The following CSMD1 variants were observed in gnomAD, a reference collection of about 807,000 sequenced individuals.
The protein encoded by CSMD1 is CUB and sushi domain-containing protein 1.
A neutral mutation model predicts 417.5 loss-of-function variants in CSMD1; 213 were observed. The ratio of observed to expected loss-of-function variants is 0.51; its 90% CI spans 0.46 to 0.57. The LOEUF is 0.57. CSMD1 is among the 20% of genes least tolerant of loss of function. CSMD1 has a pLI of 0.00. For missense variants in CSMD1, 6,923 were observed against 4,529.7 expected (o/e 1.53, Z -15.17); for synonymous variants, 2,862 against 1,736.8 (o/e 1.65, Z -16.11).
chr8:3,469,804 T>C lies in CSMD1; in HGVS notation c.1449-980A>G, dbSNP rs184230870. Among the ~76,000 whole-genome samples the C allele has an allele frequency of 1.3e-3, 195 of 152,298 alleles. 5 individuals carry two copies. The highest frequency in any genetic ancestry group is 0.012 in the Admixed American group (191 of 15,286). ...AGAACAACTGTCATTATATGTGAAG[T>C]AACTCATGCAATGTTACACACAAAT... On this transcript the variant is annotated intron_variant, in intron 11 of 69. Transcript: ENST00000635120.
chr8:3,652,849 G>A (rs1056386423), intron 7 of CSMD1, among the ~76,000 whole-genome samples: 1 of 152,158 alleles, frequency 6.6e-6, no homozygotes, highest in African/African-American at 2.4e-5. Flanking sequence ...CGTATTGGCA[G>A]AACCTAGAAC....
chr8:3,056,888 T>C (rs1427610849), intron 49 of CSMD1, among the ~76,000 whole-genome samples: 1 of 152,056 alleles, frequency 6.6e-6, no homozygotes, highest in Non-Finnish European at 1.5e-5. Flanking sequence ...CTAATCAAAA[T>C]TGTAATATAA....
chr8:4,042,766 G>C (rs1797955414), intron 3 of CSMD1, among the ~76,000 whole-genome samples: 1 of 138,500 alleles, frequency 7.2e-6, no homozygotes, highest in Non-Finnish European at 1.5e-5. Flanking sequence ...AGAAAGGAGA[G>C]CACATTGCTG....
chr8:3,909,633 C>T (rs1476002979), intron 5 of CSMD1, among the ~76,000 whole-genome samples: 2 of 152,082 alleles, frequency 1.3e-5, no homozygotes, highest in African/African-American at 4.8e-5. Context: ...CTTGTTTGTG[C>T]TGCAGGAATG....
chr8:4,428,907 G>A (rs189399944), intron 2 of CSMD1, among the ~76,000 whole-genome samples: 57 of 152,026 alleles, frequency 3.7e-4, no homozygotes, highest in African/African-American at 1.3e-3. Context: ...CAGAGACAGG[G>A]TTTCACCATT....
intron 8 of CSMD1, among the ~76,000 whole-genome samples, chr8:3,597,813 A>G (rs1489699420): frequency 6.6e-6 from 1 of 152,086 alleles, no homozygotes; most frequent in Non-Finnish European, 1.5e-5. Context: ...AGGGAGGGGA[A>G]CATCACACAC....
chr8:3,442,744 C>T (rs1163992890), intron 12 of CSMD1, among the ~76,000 whole-genome samples: 3 of 152,156 alleles, frequency 2.0e-5, no homozygotes, highest in African/African-American at 4.8e-5. Flanking sequence ...TATACACACA[C>T]ATACACACGT....
chr8:3,333,911 A>G (rs560835883), intron 23 of CSMD1, among the ~76,000 whole-genome samples: 1 of 152,356 alleles, frequency 6.6e-6, no homozygotes, highest in African/African-American at 2.4e-5. Flanking sequence ...GAGTGTCTTT[A>G]TTATTGACAA....
At chr8:4,887,717 G>C (rs555847297) in intron 1 of CSMD1, among the ~76,000 whole-genome samples, 1 of 151,724 alleles carries the variant, frequency 6.6e-6, no homozygotes, top group Non-Finnish European at 1.5e-5. Flanking sequence ...GTTGGTAGGT[G>C]CATATATATT....
chr8:4,235,989 G>C (rs1007867037), intron 3 of CSMD1, among the ~76,000 whole-genome samples: 3 of 146,456 alleles, frequency 2.0e-5, no homozygotes, highest in African/African-American at 5.1e-5. Flanking sequence ...CAAGTGATTC[G>C]TGATAATCAC....
intron 1 of CSMD1, among the ~76,000 whole-genome samples, chr8:4,671,592 C>A (rs1005186860): frequency 3.8e-4 from 58 of 152,326 alleles, no homozygotes; most frequent in Admixed American, 3.3e-4. Context: ...TAGTCTCAAA[C>A]AACGTTATCT....
chr8:3,683,004 C>T (rs992888075), intron 7 of CSMD1, among the ~76,000 whole-genome samples: 2 of 151,978 alleles, frequency 1.3e-5, no homozygotes, highest in Non-Finnish European at 2.9e-5. Context: ...AATGAGAACA[C>T]ATGGACACAG....
At chr8:3,817,472 G>T (rs147351694) in intron 5 of CSMD1, among the ~76,000 whole-genome samples, 1 of 151,336 alleles carries the variant, frequency 6.6e-6, no homozygotes, top group African/African-American at 2.4e-5. Flanking sequence ...GTAGAGACGG[G>T]GTTTCACCTC....
At chr8:4,138,901 A>G (rs1803603700) in intron 3 of CSMD1, among the ~76,000 whole-genome samples, 2 of 152,178 alleles carry the variant, frequency 1.3e-5, no homozygotes, top group Admixed American at 1.3e-4. Context: ...AATACAAATA[A>G]TTTAATCCAG....
At position 3,813,124 on chromosome 8, in the gene CSMD1, C is replaced by T. The variant is rs186716451; in HGVS notation, c.819-59082G>A. On this transcript the variant is annotated intron_variant, in intron 5 of 69. Coordinates refer to ENST00000635120, the MANE Select transcript of CSMD1 (RefSeq NM_033225.6). ...TTTTTTTTTTTTAACTAGATGAAGA[C>T]TTTCACATATGTTCCCACTGGCATT... Among the ~76,000 whole-genome samples, 143 of 139,768 alleles carry T rather than the reference C, an allele frequency of 1.0e-3. 1 individual carries two copies. Among genetic ancestry groups the T allele is most frequent in the African/African-American group, 3.7e-3 (140 of 37,346 alleles). The allele number at this position is 139,768 out of a possible 152,430, so 91.7% of individuals were successfully genotyped here.
chr8:3,425,158 T>C (rs1439391411), intron 12 of CSMD1, among the ~76,000 whole-genome samples: 1 of 152,190 alleles, frequency 6.6e-6, no homozygotes, highest in African/African-American at 2.4e-5. Context: ...TCTCTTACTG[T>C]GTCTAGCCTG....
At chr8:3,387,859 G>A (rs182371690) in intron 17 of CSMD1, among the ~76,000 whole-genome samples, 177 bp from the exon 18 acceptor site, 34 of 152,210 alleles carry the variant, frequency 2.2e-4, no homozygotes, top group African/African-American at 6.5e-4. Flanking sequence ...ATTTGACCTC[G>A]TTTTTTAAAA....
intron 9 of CSMD1, among the ~76,000 whole-genome samples, chr8:3,580,717 A>C (rs1191903320): frequency 6.6e-6 from 1 of 152,192 alleles, no homozygotes; most frequent in Non-Finnish European, 1.5e-5. Context: ...TCTTCTGTCT[A>C]AATCTCTGAG....
intron 4 of CSMD1, among the ~76,000 whole-genome samples, chr8:4,012,293 T>A (rs1816603427): frequency 6.6e-6 from 1 of 152,120 alleles, no homozygotes; most frequent in Non-Finnish European, 1.5e-5. Context: ...ATCATGCCAG[T>A]TTCATTTCAT....
Sources: allele counts gnomAD v4.1 joint callset (sites outside exome capture counted in the v4.1 genomes callset), GRCh38; gene constraint gnomAD v4.1.1; transcripts MANE v1.5; gene names NCBI Gene and HGNC (gene_info 2026-07-23, HGNC 2026-07-21).